PDE3A: variants seen among roughly 807,000 people sequenced by gnomAD.
PDE3A encodes the protein phosphodiesterase 3A, also known as cGMP-inhibited 3',5'-cyclic phosphodiesterase 3A.
Under a neutral mutation model 98.3 loss-of-function variants are expected in PDE3A, and 43 were observed. That is an observed-to-expected ratio of 0.44 (90% CI 0.34 to 0.56). PDE3A has a LOEUF of 0.56. Among genes scored for constraint, PDE3A ranks in the 20% least tolerant of loss-of-function variants. The pLI is 0.01. For missense variants in PDE3A, 1,427 were observed against 1,440.7 expected, an observed-to-expected ratio of 0.99 and a Z score of 0.15; for synonymous variants, 663 against 567.9, an observed-to-expected ratio of 1.17 and a Z score of -2.38.
intron 15 of PDE3A, among the ~76,000 whole-genome samples, chr12:20,658,427 T>C (rs948469529): frequency 1.3e-5 from 2 of 152,224 alleles, no homozygotes; most frequent in African/African-American, 4.8e-5. Context: ...GTGTCATTTG[T>C]GTTGCCATGG....
chr12:20,578,339 C>T (rs975638508), intron 2 of PDE3A, among the ~76,000 whole-genome samples: 5 of 152,062 alleles, frequency 3.3e-5, no homozygotes, highest in Non-Finnish European at 7.3e-5. Context: ...TGTTCTGTAT[C>T]GTCCTCACTC....
chr12:20,566,358 T>G (rs1229340775), intron 2 of PDE3A, among the ~76,000 whole-genome samples: 2 of 152,012 alleles, frequency 1.3e-5, no homozygotes, highest in Non-Finnish European at 2.9e-5. Flanking sequence ...TTCTGTGGTG[T>G]TGTGTTTAAA....
At position 20,463,927 on chromosome 12, in the gene PDE3A, C is replaced by T. The variant is rs193151250; in HGVS notation, c.961-92733C>T. On this transcript the variant is annotated intron_variant, in intron 1 of 15. Coordinates refer to ENST00000359062, the MANE Select transcript of PDE3A (RefSeq NM_000921.5). ...TTTTAGACTTTTCTATTTTACAAAA[C>T]GAAGACCATATGGTATAAAGAATGT... 1.8e-4 allele frequency among the ~76,000 whole-genome samples: 27 copies of T among 152,192 alleles called. 1 individual carries two copies. Among genetic ancestry groups the T allele is most frequent in the African/African-American group, 4.3e-4 (18 of 41,544 alleles).
chr12:20,407,763 A>T (rs1000735344), intron 1 of PDE3A, among the ~76,000 whole-genome samples: 1 of 152,144 alleles, frequency 6.6e-6, no homozygotes, highest in African/African-American at 2.4e-5. Flanking sequence ...TGGCTTTCAT[A>T]TGTTTTTCAT....
At chr12:20,480,270 C>T (rs1227838518) in intron 1 of PDE3A, among the ~76,000 whole-genome samples, 1 of 152,172 alleles carries the variant, frequency 6.6e-6, no homozygotes, top group East Asian at 1.9e-4. Flanking sequence ...ACGAAAACCA[C>T]AGGATAAAAC....
intron 1 of PDE3A, among the ~76,000 whole-genome samples, chr12:20,499,921 A>G (rs567037073): frequency 7.1e-4 from 108 of 152,188 alleles, no homozygotes; most frequent in Admixed American, 4.6e-3. Flanking sequence ...TCCTACTATT[A>G]TTCTAATTTT....
intron 9 of PDE3A, among the ~76,000 whole-genome samples, chr12:20,638,354 G>A (rs1305105884): frequency 6.6e-6 from 1 of 152,140 alleles, no homozygotes; most frequent in African/African-American, 2.4e-5. Flanking sequence ...TGGAATATAA[G>A]ACACAAAATT....
In PDE3A at chr12:20,613,596, G is replaced by A; in HGVS notation, c.1165G>A (p.Ala389Thr). The change falls in exon 3 of 16, where the codon GCC becomes ACC. Residue 389 changes from alanine to threonine, a missense_variant. By Grantham distance (58) the Ala-to-Thr change is moderately conservative. Around this residue, in one of 3 missense-constraint regions of PDE3A, gnomAD observed 1,012 missense variants for 886.5 expected, o/e 1.14. Transcript: ENST00000359062. ...NLLSTQLTFQ[A>T]IHKPRVNPVT... is the part of the protein sequence containing the mutation. ...GCTCAGCACACAGCTCACCTTCCAG[G>A]CCATTCACAAGCCCAGAGTGAATCC... 1 of 1,614,036 alleles carries A rather than the reference G, an allele frequency of 6.2e-7. No individual in the cohort carries two copies. The highest frequency in any genetic ancestry group is 8.5e-7 in the Non-Finnish European group (1 of 1,179,922).
intron 1 of PDE3A, among the ~76,000 whole-genome samples, chr12:20,472,239 A>G: frequency 6.6e-6 from 1 of 152,188 alleles, no homozygotes; most frequent in Non-Finnish European, 1.5e-5. Context: ...GTTGTTCCAT[A>G]AAGCAATTCC....
intron 15 of PDE3A, among the ~76,000 whole-genome samples, chr12:20,665,064 C>G (rs1020539594): frequency 6.6e-6 from 1 of 152,198 alleles, no homozygotes; most frequent in African/African-American, 2.4e-5. Flanking sequence ...AATCCAGTCA[C>G]CACCTCCATA....
chr12:20,399,750 AAGG>A (rs1487850251), intron 1 of PDE3A, among the ~76,000 whole-genome samples: 5 of 152,178 alleles, frequency 3.3e-5, no homozygotes, highest in Admixed American at 1.3e-4. Context: ...ACTATTATCC[AAGG>A]AGGAGATAAA....
intron 1 of PDE3A, among the ~76,000 whole-genome samples, chr12:20,409,108 C>G (rs1015048901): frequency 7.2e-5 from 11 of 152,072 alleles, no homozygotes; most frequent in Non-Finnish European, 1.5e-4. Context: ...AGAACTCCAG[C>G]CTCTTCATCA....
At chr12:20,588,162 A>G (rs1943237382) in intron 2 of PDE3A, among the ~76,000 whole-genome samples, 1 of 152,174 alleles carries the variant, frequency 6.6e-6, no homozygotes, top group Non-Finnish European at 1.5e-5. Flanking sequence ...GTGCCTGCTG[A>G]CGTCAACGAA....
At chr12:20,523,702 C>T (rs11045292) in intron 1 of PDE3A, among the ~76,000 whole-genome samples, 6,704 of 152,142 alleles carry the variant, frequency 0.044, 416 homozygotes, top group African/African-American at 0.14. Context: ...AATTTCTTAA[C>T]GGGTGTGTGA....
At chr12:20,635,985 A>T (rs1246131170) in intron 8 of PDE3A, among the ~76,000 whole-genome samples, 1 of 152,162 alleles carries the variant, frequency 6.6e-6, no homozygotes, top group African/African-American at 2.4e-5. Flanking sequence ...TAAATATAGG[A>T]AAATGTATTA....
intron 1 of PDE3A, among the ~76,000 whole-genome samples, chr12:20,384,960 T>C (rs933600256): frequency 2.6e-5 from 4 of 152,116 alleles, no homozygotes; most frequent in African/African-American, 9.7e-5. Flanking sequence ...ATTCCATGTC[T>C]TTGCTATTGT....
rs1942303479 is a variant in PDE3A, at chr12:20,554,269, G to C, written c.961-2391G>C. Among the ~76,000 whole-genome samples, 3 of 150,376 alleles carry C rather than the reference G, an allele frequency of 2.0e-5. No individual in the cohort carries two copies. In the South Asian group the frequency reaches 6.3e-4, roughly 31 times the overall value. ...TTATTCTTAGATTATTAATGTATTA[G>C]GGAAGAATGAGACAATTTTGTGTAG... On this transcript the variant is annotated intron_variant, in intron 1 of 15. Coordinates refer to ENST00000359062, the MANE Select transcript of PDE3A (RefSeq NM_000921.5).
rs1945918793 is a variant in PDE3A at position 20,685,123 on chromosome 12, C to T, written c.*4852C>T. ...GCTAACAATGGTGAAGTAAAATGAACATTTTTGGGCCGGGCGCAGTGGCTC... is the reference window on the plus strand; with the variant it reads ...GCTAACAATGGTGAAGTAAAATGAATATTTTTGGGCCGGGCGCAGTGGCTC... On this transcript the variant is annotated 3_prime_UTR_variant, in exon 16 of 16. Coordinates refer to ENST00000359062, the MANE Select transcript of PDE3A (RefSeq NM_000921.5). Among the ~76,000 whole-genome samples, 1 of 152,034 alleles carries T rather than the reference C, an allele frequency of 6.6e-6. No homozygotes were observed. The highest frequency in any genetic ancestry group is 6.6e-5 in the Admixed American group (1 of 15,248).
chr12:20,582,723 TG>T (rs1319373524), intron 2 of PDE3A, among the ~76,000 whole-genome samples: 1 of 152,148 alleles, frequency 6.6e-6, no homozygotes, highest in African/African-American at 2.4e-5. Context: ...TGTTTGTGTT[TG>T]GTTTTGTCTA....
Sources: allele counts gnomAD v4.1 joint callset (sites outside exome capture counted in the v4.1 genomes callset), GRCh38; gene constraint gnomAD v4.1.1; regional missense constraint gnomAD v4.1.1; transcripts MANE v1.5; gene names NCBI Gene and HGNC (gene_info 2026-07-23, HGNC 2026-07-21).